Variants in MACROD2 observed in about 807,000 individuals in gnomAD.
The protein encoded by MACROD2 is ADP-ribose glycohydrolase MACROD2.
In MACROD2, 36 loss-of-function variants were observed where a neutral mutation model predicts 70.4. The observed-to-expected ratio is 0.51, with a 90% CI of 0.39 to 0.68. The LOEUF is 0.68. MACROD2 is among the 30% of genes least tolerant of loss of function. The probability of loss-of-function intolerance (pLI) is 0.00; values close to 1 mark genes in which losing one functional copy is unlikely to be tolerated. For synonymous variants in MACROD2, 172 were observed against 178.8 expected (o/e 0.96, Z 0.30); for missense variants, 496 against 538.4 (o/e 0.92, Z 0.78).
At chr20:14,539,863 A>C (rs1273414288) in intron 4 of MACROD2, among the ~76,000 whole-genome samples, 2 of 152,202 alleles carry the variant, frequency 1.3e-5, no homozygotes, top group African/African-American at 4.8e-5. Context: ...TCCACTGGTT[A>C]GTAGAGAGGT....
At chr20:15,377,523 C>T (rs183644993) in intron 6 of MACROD2, among the ~76,000 whole-genome samples, 66 of 152,242 alleles carry the variant, frequency 4.3e-4, no homozygotes, top group African/African-American at 1.4e-3. Flanking sequence ...TCTCATTTAT[C>T]TTTCAGCTCT....
At chr20:15,914,434 A>G (rs950160987) in intron 10 of MACROD2, among the ~76,000 whole-genome samples, 1 of 152,166 alleles carries the variant, frequency 6.6e-6, no homozygotes, top group Non-Finnish European at 1.5e-5. Flanking sequence ...ACCTCGCATG[A>G]TCAGTGGGAA....
At chr20:15,488,225 A>G (rs1476628626) in intron 7 of MACROD2, among the ~76,000 whole-genome samples, 1 of 152,164 alleles carries the variant, frequency 6.6e-6, no homozygotes, top group African/African-American at 2.4e-5. Flanking sequence ...AGAGAGCAGC[A>G]CAGAAGTTTG....
chr20:15,031,803 C>T (rs1017226265), intron 5 of MACROD2, among the ~76,000 whole-genome samples: 1 of 152,146 alleles, frequency 6.6e-6, no homozygotes. Context: ...GGACTCCACC[C>T]AGAAATGGCA....
At chr20:14,152,457 C>T (rs548843578) in intron 3 of MACROD2, among the ~76,000 whole-genome samples, 23 of 142,416 alleles carry the variant, frequency 1.6e-4, no homozygotes, top group Non-Finnish European at 2.0e-4. Flanking sequence ...GATGGAGTCT[C>T]GCTCTGTTGC....
intron 3 of MACROD2, among the ~76,000 whole-genome samples, chr20:14,444,404 C>T (rs2084160513): frequency 6.6e-6 from 1 of 152,170 alleles, no homozygotes; most frequent in Non-Finnish European, 1.5e-5. Flanking sequence ...GCTGCTAGGA[C>T]ACCACATTTG....
intron 5 of MACROD2, among the ~76,000 whole-genome samples, chr20:15,197,774 G>T (rs1241693456): frequency 6.6e-6 from 1 of 151,964 alleles, no homozygotes; most frequent in East Asian, 1.9e-4. Context: ...ATGGCTTATT[G>T]CAGCCTCTGC....
At chr20:16,025,836 CCA>C (rs1167671965) in intron 15 of MACROD2, among the ~76,000 whole-genome samples, 2 of 138,542 alleles carry the variant, frequency 1.4e-5, no homozygotes, top group Non-Finnish European at 3.3e-5. Flanking sequence ...CAGAGCAGGG[CCA>C]CAGAGTGATC....
At chr20:15,758,526 C>G (rs2051383692) in intron 8 of MACROD2, among the ~76,000 whole-genome samples, 1 of 148,406 alleles carries the variant, frequency 6.7e-6, no homozygotes, top group Admixed American at 6.8e-5. Context: ...AGGCGTGAGT[C>G]ACTGCACCCA....
intron 3 of MACROD2, among the ~76,000 whole-genome samples, chr20:14,464,116 T>C (rs369937513): frequency 0.15 from 22,552 of 151,800 alleles, 2,364 homozygotes; most frequent in Non-Finnish European, 0.21. Context: ...ATGGTACCAG[T>C]TCCTCCTTGT....
intron 8 of MACROD2, among the ~76,000 whole-genome samples, chr20:15,626,816 C>T (rs1276016664): frequency 6.6e-6 from 1 of 152,250 alleles, no homozygotes; most frequent in South Asian, 2.1e-4. Flanking sequence ...GATTGTGCCA[C>T]TGCACTCCAG....
chr20:14,371,199 C>T (rs2083319523), intron 3 of MACROD2, among the ~76,000 whole-genome samples: 1 of 152,024 alleles, frequency 6.6e-6, no homozygotes, highest in South Asian at 2.1e-4. Context: ...TAAATAATAA[C>T]TTTTGCCAGG....
chr20:15,619,287 C>A (rs2049090808), intron 8 of MACROD2, among the ~76,000 whole-genome samples: 1 of 152,184 alleles, frequency 6.6e-6, no homozygotes, highest in Admixed American at 6.5e-5. Context: ...TTTAAACTAT[C>A]AACTATAAAC....
At chr20:15,138,776 G>T (rs1568595986) in intron 5 of MACROD2, among the ~76,000 whole-genome samples, 1 of 152,132 alleles carries the variant, frequency 6.6e-6, no homozygotes, top group Non-Finnish European at 1.5e-5. Flanking sequence ...TGTGTTGAGG[G>T]CTGTGAGTGA....
intron 8 of MACROD2, among the ~76,000 whole-genome samples, chr20:15,699,099 G>T (rs1033752155): frequency 9.2e-5 from 14 of 152,062 alleles, no homozygotes; most frequent in Non-Finnish European, 1.9e-4. Context: ...ATTTCTTCTC[G>T]GTTTGGATTC....
At chr20:14,866,488 G>A (rs376176) in intron 5 of MACROD2, among the ~76,000 whole-genome samples, 39,097 of 151,974 alleles carry the variant, frequency 0.26, 5,629 homozygotes, top group Non-Finnish European at 0.33. Flanking sequence ...TTAAGTTGCA[G>A]TGGAAACAAC....
In MACROD2 at chr20:15,037,950, C is replaced by CA. The variant is rs11087117; in HGVS notation, c.419-191981dup. Among the ~76,000 whole-genome samples the CA allele has an allele frequency of 4.9e-4, 74 of 151,070 alleles. No individual in the cohort carries two copies. The East Asian group carries it at 0.011, about 23-fold the overall frequency. On this transcript the variant is annotated intron_variant, in intron 5 of 17. Coordinates refer to ENST00000684519, the MANE Select transcript of MACROD2 (RefSeq NM_001351661.2). ...GAGAGAATTTTGGATGTTCTCACTA[C>CA]AAAAAAAAATGAGAAATGCTTGAGG...
intron 1 of MACROD2, among the ~76,000 whole-genome samples, chr20:13,997,864 T>C (rs1269710373): frequency 6.6e-6 from 1 of 152,136 alleles, no homozygotes; most frequent in East Asian, 1.9e-4. Flanking sequence ...ATATATATTA[T>C]ACCCCCAAGG....
rs2122188037 is a variant in MACROD2 at position 14,815,196 on chromosome 20, T to C, written c.418+130237T>C. 2.6e-5 allele frequency among the ~76,000 whole-genome samples: 4 copies of C among 152,194 alleles called. 1 individual carries two copies. The highest frequency in any genetic ancestry group is 3.4e-3 in the Middle Eastern group (1 of 294). On this transcript the variant is annotated intron_variant, in intron 5 of 17. Transcript: ENST00000684519. ...AATAATGTAAGCTGCATGCTGTTATTTCCTAGAAAGATGTGGTTTCCTGGA... is the reference window on the plus strand; with the variant it reads ...AATAATGTAAGCTGCATGCTGTTATCTCCTAGAAAGATGTGGTTTCCTGGA...
Sources: gnomAD v4.1 joint callset for allele counts (sites outside exome capture counted in the v4.1 genomes callset) on GRCh38, gnomAD v4.1.1 for gene constraint, MANE v1.5 for transcripts, NCBI Gene and HGNC (gene_info 2026-07-23, HGNC 2026-07-21) for gene names.